CADM1: variants seen among roughly 807,000 people sequenced by gnomAD.
CADM1 encodes cell adhesion molecule 1.
Under a neutral mutation model 53.1 loss-of-function variants are expected in CADM1, and 15 were observed. That is an observed-to-expected ratio of 0.28 (90% CI 0.19 to 0.44). The LOEUF (loss-of-function observed/expected upper bound fraction) is 0.44, where lower values mean the gene tolerates loss of function less well. Among genes scored for constraint, CADM1 ranks in the 20% least tolerant of loss-of-function variants. The pLI, the probability that CADM1 is intolerant of heterozygous loss-of-function variation, is 1.00. For synonymous variants in CADM1, 281 were observed against 243.0 expected (o/e 1.16, Z -1.45); for missense variants, 434 against 611.3 (o/e 0.71, Z 3.06).
At chr11:115,180,205 T>C (rs1939244067) in intron 10 of CADM1, among the ~76,000 whole-genome samples, 1 of 152,176 alleles carries the variant, frequency 6.6e-6, no homozygotes, top group African/African-American at 2.4e-5. Flanking sequence ...GATTAAGTAC[T>C]GAAGGATGTG....
chr11:115,453,763 C>T (rs982437617), intron 1 of CADM1, among the ~76,000 whole-genome samples: 1 of 152,088 alleles, frequency 6.6e-6, no homozygotes, highest in African/African-American at 2.4e-5. Context: ...CCTCCCAAAA[C>T]TTACTTTCTT....
chr11:115,284,087 ACTCTCTCTCT>A (rs141079093), intron 1 of CADM1, among the ~76,000 whole-genome samples: 3 of 47,576 alleles, frequency 6.3e-5, no homozygotes, highest in Admixed American at 2.7e-4. Flanking sequence ...AAGCCCAGAC[ACTCTCTCTCT>A]CTCTCTCTCT....
chr11:115,419,948 C>T (rs1947710871), intron 1 of CADM1, among the ~76,000 whole-genome samples: 1 of 152,114 alleles, frequency 6.6e-6, no homozygotes, highest in Non-Finnish European at 1.5e-5. Flanking sequence ...AAATTCAGTT[C>T]GAGCCTTCTC....
rs1356153856 is a variant in CADM1 at position 115,349,732 on chromosome 11, G to A, written c.125-109312C>T. Among the ~76,000 whole-genome samples the A allele has an allele frequency of 2.6e-5, 4 of 152,160 alleles. 1 individual carries two copies. The highest frequency in any genetic ancestry group is 1.3e-4 in the Admixed American group (2 of 15,272). ...TAAAGGGAAAGCTGTTCAAGGGCTT[G>A]ACAGACAAGAAGATCCCAGTTCAAT... On this transcript the variant is annotated intron_variant, in intron 1 of 11. Transcript: ENST00000331581.
intron 1 of CADM1, among the ~76,000 whole-genome samples, chr11:115,370,164 G>A (rs570634906): frequency 1.3e-5 from 2 of 152,096 alleles, no homozygotes; most frequent in African/African-American, 4.8e-5. Context: ...TACAGGTAAG[G>A]TTCTAATCTA....
chr11:115,411,339 T>A (rs1400014203), intron 1 of CADM1, among the ~76,000 whole-genome samples: 2 of 152,246 alleles, frequency 1.3e-5, no homozygotes, highest in African/African-American at 4.8e-5. Context: ...TAACACAATC[T>A]GTACCACTCA....
intron 1 of CADM1, among the ~76,000 whole-genome samples, chr11:115,316,308 G>C (rs951879051): frequency 6.6e-6 from 1 of 152,164 alleles, no homozygotes; most frequent in Admixed American, 6.5e-5. Flanking sequence ...AATGAGAAAA[G>C]TTCATCTTGG....
intron 2 of CADM1, among the ~76,000 whole-genome samples, chr11:115,239,607 C>G (rs968738281): frequency 1.3e-5 from 2 of 152,100 alleles, no homozygotes; most frequent in African/African-American, 4.8e-5. Context: ...ACGTTTTCCA[C>G]AGGTCATGAA....
chr11:115,227,785 A>G (rs1941666985), intron 5 of CADM1, among the ~76,000 whole-genome samples: 1 of 152,210 alleles, frequency 6.6e-6, no homozygotes, highest in African/African-American at 2.4e-5. Flanking sequence ...TTGGAATGGG[A>G]TGGTTTCTTA....
intron 1 of CADM1, among the ~76,000 whole-genome samples, chr11:115,442,592 G>A (rs780948633): frequency 3.9e-5 from 6 of 152,140 alleles, no homozygotes; most frequent in Admixed American, 1.3e-4. Context: ...CGGCAATTAC[G>A]TGTGTTTATT....
intron 1 of CADM1, among the ~76,000 whole-genome samples, chr11:115,288,468 A>T (rs941422115): frequency 2.0e-5 from 3 of 152,192 alleles, no homozygotes; most frequent in African/African-American, 7.2e-5. Context: ...TAAGAAAAAA[A>T]AAAATCACCA....
At chr11:115,396,572 A>G (rs944643723) in intron 1 of CADM1, among the ~76,000 whole-genome samples, 1 of 152,198 alleles carries the variant, frequency 6.6e-6, no homozygotes, top group Non-Finnish European at 1.5e-5. Context: ...TTCTTTTCCA[A>G]AACAGATATG....
chr11:115,343,852 T>C (rs1347669572), intron 1 of CADM1, among the ~76,000 whole-genome samples: 1 of 152,166 alleles, frequency 6.6e-6, no homozygotes, highest in Non-Finnish European at 1.5e-5. Flanking sequence ...GCTTCTGAGT[T>C]ATTTTTCTTC....
At chr11:115,413,793 C>T (rs1474772914) in intron 1 of CADM1, among the ~76,000 whole-genome samples, 5 of 151,886 alleles carry the variant, frequency 3.3e-5, no homozygotes, top group African/African-American at 7.3e-5. Context: ...TACAGGCACA[C>T]GCCACCATGC....
intron 9 of CADM1, among the ~76,000 whole-genome samples, chr11:115,198,124 G>A (rs556408567): frequency 1.3e-5 from 2 of 152,264 alleles, no homozygotes; most frequent in South Asian, 4.1e-4. Context: ...TCAAGGTTTG[G>A]TGGAGTTTTG....
chr11:115,444,132 A>T (rs1489558221), intron 1 of CADM1, among the ~76,000 whole-genome samples: 1 of 152,224 alleles, frequency 6.6e-6, no homozygotes, highest in African/African-American at 2.4e-5. Flanking sequence ...TATAGCTTCC[A>T]GAGAAAACCA....
intron 1 of CADM1, among the ~76,000 whole-genome samples, chr11:115,409,958 A>T (rs1162281928): frequency 2.0e-5 from 3 of 152,220 alleles, no homozygotes; most frequent in Admixed American, 6.5e-5. Context: ...CAGACAACAC[A>T]TCTGTTCCCA....
intron 1 of CADM1, among the ~76,000 whole-genome samples, chr11:115,267,827 C>A (rs567577825): frequency 6.6e-6 from 1 of 151,690 alleles, no homozygotes; most frequent in African/African-American, 2.4e-5. Context: ...GAGAAGGACA[C>A]GTGCAAAAGA....
Position 115,175,521 on chromosome 11 carries a change from A to G in CADM1, c.*953T>C. 1 of 985,522 alleles carries G rather than the reference A, an allele frequency of 1.0e-6. No homozygotes were observed. The highest frequency in any genetic ancestry group is 1.2e-6 in the Non-Finnish European group (1 of 830,018). 61.0% of individuals were successfully genotyped at this position (985,522 alleles called of 1,614,324 possible). A position where few individuals can be genotyped will look rare whatever the true frequency, so the allele number is the denominator to read the frequency against. On this transcript the variant is annotated 3_prime_UTR_variant, in exon 12 of 12. Transcript: ENST00000331581. ...ACAGAAACAACCAGAGCAGAACTGT[A>G]TTTCCCCCCTCCCTACTTCCCCTCC...
Sources: allele counts gnomAD v4.1 joint callset (sites outside exome capture counted in the v4.1 genomes callset), GRCh38; gene constraint gnomAD v4.1.1; transcripts MANE v1.5; gene names NCBI Gene and HGNC (gene_info 2026-07-23, HGNC 2026-07-21).